RNF123: variants seen among roughly 807,000 people sequenced by gnomAD.
RNF123 encodes E3 ubiquitin-protein ligase RNF123.
In RNF123, 86 loss-of-function variants were observed where a neutral mutation model predicts 168.5. That is an observed-to-expected ratio of 0.51 (90% CI 0.43 to 0.61). The LOEUF is 0.61. RNF123 is among the 20% of genes least tolerant of loss of function. The probability of loss-of-function intolerance (pLI) is 0.00; values close to 1 mark genes in which losing one functional copy is unlikely to be tolerated. For missense variants in RNF123, 1,419 were observed against 1,729.7 expected (o/e 0.82, Z 3.19); for synonymous variants, 666 against 689.1 (o/e 0.97, Z 0.52).
At chr3:49,710,385 T>G (rs769058993) in intron 26 of RNF123, among the ~76,000 whole-genome samples, 2 of 152,144 alleles carry the variant, frequency 1.3e-5, no homozygotes, top group Admixed American at 6.5e-5. Context: ...GTTCAAGCGA[T>G]TCTTCCACCT....
chr3:49,702,652 C>G lies in RNF123; in HGVS notation c.1649C>G (p.Pro550Arg), dbSNP rs1347424699. The change falls in exon 20 of 39, where the codon CCC becomes CGC. Residue 550 changes from proline to arginine, a missense_variant. This residue lies in a region of RNF123 where 349 missense variants were observed against 344.9 expected (regional missense o/e 1.01). Transcript: ENST00000327697. ...SGRGNMPMLC[P>R]PEYMVCFLHR... ...CCACAGAACATGCCCATGCTCTGCC[C>G]CCCTGAGTACATGGTCTGCTTCTTA... The G allele has an allele frequency of 7.4e-6, 12 of 1,614,254 alleles. No homozygotes were observed. Among genetic ancestry groups the G allele is most frequent in the Admixed American group, 1.7e-5 (1 of 60,032 alleles).
intron 3 of RNF123, among the ~76,000 whole-genome samples, chr3:49,695,306 C>G: frequency 6.6e-6 from 1 of 152,120 alleles, no homozygotes; most frequent in East Asian, 1.9e-4. Context: ...TACTGTGTCA[C>G]CCAGGCTGGT....
intron 26 of RNF123, among the ~76,000 whole-genome samples, chr3:49,707,150 T>C (rs1040226544): frequency 1.3e-5 from 2 of 152,134 alleles, no homozygotes; most frequent in African/African-American, 4.8e-5. Context: ...ACTCTGTCTG[T>C]CTGCCTCCCC....
At chr3:49,708,890 C>A (rs945937912) in intron 26 of RNF123, among the ~76,000 whole-genome samples, 10 of 152,198 alleles carry the variant, frequency 6.6e-5, no homozygotes, top group Non-Finnish European at 1.5e-4. Context: ...ACCCTAATTT[C>A]AATTCTTTTG....
rs778150538 is a variant in RNF123 at position 49,713,972 on chromosome 3, A to G, written c.2900A>G (p.Asn967Ser). 1.5e-5 allele frequency: 25 copies of G among 1,613,892 alleles called. No individual in the cohort carries two copies. The Admixed American group carries it at 2.5e-4, about 16-fold the overall frequency. ...GAGCAGCGGCCCTGGGCCCAGACCA[A>G]CTGGATCCTGGTGCGGCTCTGGAGG... ...PYEQRPWAQT[N>S]WILVRLWRGC... is the part of the protein sequence containing the mutation. The change falls in exon 30 of 39, where the codon AAC becomes AGC. Residue 967 changes from asparagine (N) to serine (S), a missense_variant. Transcript: ENST00000327697.
intron 3 of RNF123, among the ~76,000 whole-genome samples, chr3:49,695,874 T>G (rs2108176685): frequency 6.6e-6 from 1 of 152,258 alleles, no homozygotes. Flanking sequence ...GACAGTACCC[T>G]TTTCCCTCTA....
intron 21 of RNF123, among the ~76,000 whole-genome samples, chr3:49,703,828 C>T (rs1559677899): frequency 6.6e-6 from 1 of 152,154 alleles, no homozygotes; most frequent in Admixed American, 6.5e-5. Context: ...CACAAGCTGC[C>T]CCGGTGCAGG....
chr3:49,720,915 C>T (rs2108208908), intron 37 of RNF123, 21 bp downstream of exon 37: 1 of 1,613,314 alleles, frequency 6.2e-7, no homozygotes, highest in Non-Finnish European at 8.5e-7. Flanking sequence ...ACACGGTGCA[C>T]AGGTCCATGC....
Position 49,718,696 on chromosome 3 carries a change from G to A in RNF123, c.3501-1815G>A, listed in dbSNP as rs141098453. 72 of 1,612,976 alleles carry A rather than the reference G, an allele frequency of 4.5e-5. No homozygotes were observed. The African/African-American group carries it at 7.6e-4, about 17-fold the overall frequency. ...CTGGAAGAAGCGCACGCGGGACGCG[G>A]GTACCTTGAAGGCCAAGCATACGTA... On this transcript the variant is annotated intron_variant, in intron 35 of 38. Coordinates refer to ENST00000327697, the MANE Select transcript of RNF123 (RefSeq NM_022064.5).
chr3:49,697,963 C>G (rs1281857357), intron 6 of RNF123, 24 bp downstream of exon 6: 1 of 1,614,096 alleles, frequency 6.2e-7, no homozygotes, highest in Non-Finnish European at 8.5e-7. Flanking sequence ...CTGCTGTGGC[C>G]TAGGTAGTGA....
intron 35 of RNF123, chr3:49,718,303 A>G (rs1236092992): frequency 6.2e-7 from 1 of 1,613,062 alleles, no homozygotes; most frequent in Non-Finnish European, 8.5e-7. Flanking sequence ...ACAGCCCAGC[A>G]GTGTGGTGAA....
chr3:49,720,249 G>A (rs754753694), intron 35 of RNF123: 118 of 281,976 alleles, frequency 4.2e-4, no homozygotes, highest in Non-Finnish European at 6.8e-4. Context: ...CCGGGAGGTG[G>A]AGGTTGCAGT....
chr3:49,721,495 GGGC>G lies in RNF123; in HGVS notation c.*191_*193del, dbSNP rs1429096632. The G allele has an allele frequency of 8.0e-6, 7 of 873,166 alleles. No individual in the cohort carries two copies. Among genetic ancestry groups the G allele is most frequent in the Non-Finnish European group, 1.3e-5 (7 of 522,278 alleles). The allele number at this position is 873,166 out of a possible 1,614,324, so 54.1% of individuals were successfully genotyped here. ...TGTGCCTGAGCTTGACTTTCAGTCA[GGGC>G]CACAGTGAGCATTAAATTATTATTC... On this transcript the variant is annotated 3_prime_UTR_variant, in exon 39 of 39. Coordinates refer to ENST00000327697, the MANE Select transcript of RNF123 (RefSeq NM_022064.5).
At position 49,697,239 on chromosome 3, in the gene RNF123, G is replaced by C. The variant is rs1340352928; in HGVS notation, c.247+17G>C. The C allele has an allele frequency of 1.9e-6, 3 of 1,612,346 alleles. No homozygotes were observed. The highest frequency in any genetic ancestry group is 1.7e-5 in the Admixed American group (1 of 59,990). On this transcript the variant is annotated intron_variant, in intron 4 of 38. Transcript: ENST00000327697. ...AAAGCCAGGGTATGTGGCCACCTCT[G>C]GAGTGGGGTTGGGAGGTGCAGAGCT...
chr3:49,699,871 C>T lies in RNF123; in HGVS notation c.984+99C>T. ...TCACTGAGGGCTGCAGTGCTGAGGTCCCACAGCATCACCTGGCGAGGGCCC... is the reference window on the plus strand; with the variant it reads ...TCACTGAGGGCTGCAGTGCTGAGGTTCCACAGCATCACCTGGCGAGGGCCC... On this transcript the variant is annotated intron_variant, in intron 12 of 38. Coordinates refer to ENST00000327697, the MANE Select transcript of RNF123 (RefSeq NM_022064.5). This position sits in a 1 kb window ranked among gnomAD's most constrained non-coding sequence, Gnocchi z 4.8. 1 of 1,230,012 alleles carries T rather than the reference C, an allele frequency of 8.1e-7. No individual in the cohort carries two copies. Among genetic ancestry groups the T allele is most frequent in the South Asian group, 1.3e-5 (1 of 79,484 alleles). The allele number at this position is 1,230,012 out of a possible 1,614,324, so 76.2% of individuals were successfully genotyped here. A position where few individuals can be genotyped will look rare whatever the true frequency, so the allele number is the denominator to read the frequency against.
intron 35 of RNF123, chr3:49,717,022 T>C (rs1443708668): frequency 1.3e-5 from 2 of 154,704 alleles, no homozygotes; most frequent in Admixed American, 1.3e-4. Context: ...GCCATTAGGC[T>C]GAGACCAGTG....
At chr3:49,717,813 G>T in intron 35 of RNF123, 1 of 911,004 alleles carries the variant, frequency 1.1e-6, no homozygotes, top group Non-Finnish European at 1.6e-6. Flanking sequence ...AAGGCCCATT[G>T]TGTTTCGAGG....
chr3:49,703,304 G>C (rs1240071660), intron 20 of RNF123, 123 bp from the exon 21 acceptor site: 1 of 722,448 alleles, frequency 1.4e-6, no homozygotes, highest in Admixed American at 2.4e-5. Context: ...TGTCTGCCTG[G>C]ATGGGTGAGT....
At chr3:49,704,553 C>T (rs1180616367) in intron 21 of RNF123, 97 bp from the exon 22 acceptor site, 4 of 1,035,586 alleles carry the variant, frequency 3.9e-6, no homozygotes, top group East Asian at 2.6e-5. Flanking sequence ...GCAAGGCCTC[C>T]TGCCCAGTGT....
Sources: gnomAD v4.1 joint callset for allele counts (sites outside exome capture counted in the v4.1 genomes callset) on GRCh38, gnomAD v4.1.1 for gene constraint, gnomAD v4.1.1 regional missense constraint, Gnocchi (gnomAD v3.1) non-coding constraint, MANE v1.5 for transcripts, NCBI Gene and HGNC (gene_info 2026-07-23, HGNC 2026-07-21) for gene names.